SGCD: variants seen among roughly 807,000 people sequenced by gnomAD.
SGCD encodes the protein sarcoglycan delta, also known as delta-sarcoglycan.
A neutral mutation model predicts 36.6 loss-of-function variants in SGCD; 18 were observed. The ratio of observed to expected loss-of-function variants is 0.49; its 90% CI spans 0.34 to 0.73. The LOEUF (loss-of-function observed/expected upper bound fraction) is 0.73. Among genes scored for constraint, SGCD ranks in the 30% least tolerant of loss-of-function variants. The pLI is 0.01. For synonymous variants in SGCD, 133 were observed against 130.6 expected (o/e 1.02, Z -0.12); for missense variants, 387 against 346.7 (o/e 1.12, Z -0.92).
intron 1 of SGCD, among the ~76,000 whole-genome samples, chr5:156,032,405 A>G (rs957164082): frequency 2.0e-5 from 3 of 151,824 alleles, no homozygotes; most frequent in Non-Finnish European, 4.4e-5. Context: ...TTTTAGATAC[A>G]TTGTCAATTG....
intron 3 of SGCD, among the ~76,000 whole-genome samples, chr5:156,422,368 T>C (rs1344054024): frequency 1.3e-5 from 2 of 152,030 alleles, no homozygotes; most frequent in Non-Finnish European, 2.9e-5. Flanking sequence ...GTTTGACTCT[T>C]CTTTCTCACA....
chr5:155,753,281 G>C, the SGCD span, among the ~76,000 whole-genome samples: 3 of 150,434 alleles, frequency 2.0e-5, no homozygotes, highest in African/African-American at 7.5e-5. Flanking sequence ...AGGTTGCAGT[G>C]AGCCGAGATC....
At chr5:156,726,301 G>A (rs190090912) in intron 7 of SGCD, among the ~76,000 whole-genome samples, 378 of 152,266 alleles carry the variant, frequency 2.5e-3, no homozygotes, top group Admixed American at 0.012. Flanking sequence ...ATCTGGACAT[G>A]TCCAAAACCT....
intron 3 of SGCD, among the ~76,000 whole-genome samples, chr5:156,405,036 C>G (rs1772336393): frequency 6.6e-6 from 1 of 152,172 alleles, no homozygotes. Context: ...AGTCACCAGC[C>G]TAATCACATA....
At chr5:156,537,957 A>G (rs1027968613) in intron 4 of SGCD, among the ~76,000 whole-genome samples, 1 of 152,110 alleles carries the variant, frequency 6.6e-6, no homozygotes, top group Non-Finnish European at 1.5e-5. Flanking sequence ...GGGTTAACTA[A>G]ACCAAAGATT....
chr5:155,788,311 T>G, the SGCD span, among the ~76,000 whole-genome samples: 5 of 152,168 alleles, frequency 3.3e-5, no homozygotes, highest in Admixed American at 3.3e-4. Flanking sequence ...TACTGAAGGA[T>G]TTTAAACGTT....
the SGCD span, among the ~76,000 whole-genome samples, chr5:155,848,136 G>A: frequency 3.3e-4 from 50 of 152,164 alleles, no homozygotes; most frequent in Non-Finnish European, 5.6e-4. Flanking sequence ...TGTTCCAGAG[G>A]GAGGGAGGGG....
the SGCD span, among the ~76,000 whole-genome samples, chr5:155,816,866 A>G: frequency 6.6e-6 from 1 of 152,236 alleles, no homozygotes; most frequent in Non-Finnish European, 1.5e-5. Flanking sequence ...CATAAAAATT[A>G]TCAATTTTAA....
chr5:156,012,578 T>C (rs1758882169), intron 1 of SGCD, among the ~76,000 whole-genome samples: 1 of 152,022 alleles, frequency 6.6e-6, no homozygotes. Flanking sequence ...TAGAGTTATC[T>C]CTTTACTAAG....
At chr5:155,965,937 G>A (rs1167463509) in intron 1 of SGCD, among the ~76,000 whole-genome samples, 1 of 151,994 alleles carries the variant, frequency 6.6e-6, no homozygotes, top group Non-Finnish European at 1.5e-5. Context: ...TCTTAGCTGA[G>A]TTTAATAATA....
the SGCD span, among the ~76,000 whole-genome samples, chr5:155,832,296 G>A: frequency 6.6e-6 from 1 of 152,144 alleles, no homozygotes; most frequent in Non-Finnish European, 1.5e-5. Flanking sequence ...TTCTAATGCT[G>A]AGATGAATGA....
At chr5:155,788,102 T>C in the SGCD span, among the ~76,000 whole-genome samples, 1 of 152,186 alleles carries the variant, frequency 6.6e-6, no homozygotes. Context: ...AAAAAATATA[T>C]AGGTGTGACT....
Position 156,695,514 on chromosome 5 carries a change from TA to T in SGCD, c.575+47979del, listed in dbSNP as rs1396946514. Among the ~76,000 whole-genome samples the T allele has an allele frequency of 6.5e-3, 8 of 1,240 alleles. No individual in the cohort carries two copies. The Admixed American group carries it at 0.081, about 13-fold the overall frequency. 0.8% of individuals were successfully genotyped at this position (1,240 alleles called of 152,430 possible). ...ATAGATAGATAGATAGATAGATGGA[TA>T]GATAGATAGATAGATAGATAGATAG... On this transcript the variant is annotated intron_variant, in intron 7 of 8. Coordinates refer to ENST00000337851, the MANE Select transcript of SGCD (RefSeq NM_000337.6).
rs181683843 is a variant in SGCD, at chr5:156,493,296, C to T, written c.193-15305C>T. ...ATTAGCAATGTTGACCATACAATAA[C>T]TTGTTGTTAAATATAGTCATCATGT... On this transcript the variant is annotated intron_variant, in intron 3 of 8. Transcript: ENST00000337851. Among the ~76,000 whole-genome samples the T allele has an allele frequency of 1.1e-3, 160 of 152,236 alleles. 1 individual carries two copies. The highest frequency in any genetic ancestry group is 3.5e-3 in the African/African-American group (145 of 41,566).
chr5:156,005,521 G>T (rs1229975024), intron 1 of SGCD, among the ~76,000 whole-genome samples: 1 of 152,012 alleles, frequency 6.6e-6, no homozygotes, highest in African/African-American at 2.4e-5. Context: ...CGTGATCTTG[G>T]CTCACTGCAA....
chr5:155,962,531 A>G (rs1757812377), intron 1 of SGCD, among the ~76,000 whole-genome samples: 1 of 152,118 alleles, frequency 6.6e-6, no homozygotes, highest in Non-Finnish European at 1.5e-5. Flanking sequence ...CAAAGGAAGC[A>G]TTCAGAGGTA....
chr5:155,977,008 A>G (rs1174549856), intron 1 of SGCD, among the ~76,000 whole-genome samples: 2 of 152,212 alleles, frequency 1.3e-5, no homozygotes, highest in Non-Finnish European at 2.9e-5. Flanking sequence ...TTAGAATAAG[A>G]AGAGCATCTT....
At chr5:156,212,713 T>G (rs1389405852) in intron 3 of SGCD, among the ~76,000 whole-genome samples, 1 of 152,110 alleles carries the variant, frequency 6.6e-6, no homozygotes, top group Non-Finnish European at 1.5e-5. Flanking sequence ...TTCTCAAGTA[T>G]ACGTGGAACA....
At chr5:155,925,145 T>C (rs1177594105) in intron 1 of SGCD, among the ~76,000 whole-genome samples, 1 of 152,190 alleles carries the variant, frequency 6.6e-6, no homozygotes, top group Non-Finnish European at 1.5e-5. Flanking sequence ...ATACTATGGA[T>C]AATAAATACC....
Sources: gnomAD v4.1 joint callset for allele counts (sites outside exome capture counted in the v4.1 genomes callset) on GRCh38, gnomAD v4.1.1 for gene constraint, MANE v1.5 for transcripts, NCBI Gene and HGNC (gene_info 2026-07-23, HGNC 2026-07-21) for gene names.